Variants in STIM2 observed in about 807,000 individuals in gnomAD.
The protein encoded by STIM2 is stromal interaction molecule 2.
STIM2 carries 31 observed loss-of-function variants against 85.8 expected under a neutral mutation model. The observed-to-expected ratio is 0.36, with a 90% CI of 0.27 to 0.49. The LOEUF (loss-of-function observed/expected upper bound fraction) is 0.49, where lower values mean the gene tolerates loss of function less well. Ranked by LOEUF, STIM2 falls within the 20% of genes least tolerant of loss-of-function variation. The pLI is 0.98. For synonymous variants in STIM2, 356 were observed against 331.1 expected (o/e 1.08, Z -0.82); for missense variants, 841 against 927.6 (o/e 0.91, Z 1.21).
intron 2 of STIM2, among the ~76,000 whole-genome samples, chr4:26,950,084 C>T (rs1461204707): frequency 6.6e-6 from 1 of 152,104 alleles, no homozygotes; most frequent in African/African-American, 2.4e-5. Context: ...ATTACCTGGC[C>T]TTCCATATAA....
intron 1 of STIM2, among the ~76,000 whole-genome samples, chr4:26,886,339 C>T (rs113141073): frequency 5.9e-5 from 9 of 152,050 alleles, no homozygotes; most frequent in Non-Finnish European, 1.0e-4. Flanking sequence ...ATGAAGAAAA[C>T]GATGAGCTTA....
intron 3 of STIM2, among the ~76,000 whole-genome samples, chr4:26,983,693 C>T (rs959565431): frequency 6.6e-6 from 1 of 152,170 alleles, no homozygotes; most frequent in Non-Finnish European, 1.5e-5. Context: ...CAATTTTTAG[C>T]TGGCCTTTGA....
At chr4:26,957,318 T>G (rs1726281965) in intron 2 of STIM2, among the ~76,000 whole-genome samples, 1 of 151,936 alleles carries the variant, frequency 6.6e-6, no homozygotes, top group African/African-American at 2.4e-5. Context: ...AAGGAGGGGG[T>G]GACTGTATAC....
At chr4:26,954,978 A>ATTAGGAATTTTATTTC (rs1726190374) in intron 2 of STIM2, among the ~76,000 whole-genome samples, 1 of 146,840 alleles carries the variant, frequency 6.8e-6, no homozygotes, top group Admixed American at 6.7e-5. Context: ...ACCCAACTTT[A>ATTAGGAATTTTATTTC]TTAGGAATTT....
At chr4:26,980,224 T>G (rs1471293352) in intron 3 of STIM2, among the ~76,000 whole-genome samples, 1 of 152,254 alleles carries the variant, frequency 6.6e-6, no homozygotes, top group African/African-American at 2.4e-5. Context: ...GTAAATTGTT[T>G]AGGCAGGATT....
intron 1 of STIM2, among the ~76,000 whole-genome samples, chr4:26,894,978 A>G (rs1263395880): frequency 6.6e-6 from 1 of 152,238 alleles, no homozygotes; most frequent in African/African-American, 2.4e-5. Flanking sequence ...TTGGAAGGCC[A>G]AGGTGGGTGG....
intron 1 of STIM2, among the ~76,000 whole-genome samples, chr4:26,871,861 A>G (rs1722630325): frequency 1.3e-5 from 2 of 152,080 alleles, no homozygotes; most frequent in South Asian, 2.1e-4. Flanking sequence ...ACTTTTGTAT[A>G]GTGTGATGAA....
intron 1 of STIM2, among the ~76,000 whole-genome samples, chr4:26,899,879 A>T (rs533173263): frequency 8.1e-4 from 124 of 152,292 alleles, no homozygotes; most frequent in Non-Finnish European, 1.3e-3. Flanking sequence ...ATTTTTAAGG[A>T]ATCTTTGAAG....
Position 26,957,727 on chromosome 4 carries a change from G to A in STIM2, c.397+1G>A. ...TGGAAACGATGGAAAACATCAGAAG[G>A]TAAGACTGCCTTTGTGATCTGGCCC... On this transcript the variant is annotated splice_donor_variant, in intron 3 of 11. Transcript: ENST00000467087. LOFTEE classifies it high-confidence loss of function. 1 of 1,581,708 alleles carries A rather than the reference G, an allele frequency of 6.3e-7. No individual in the cohort carries two copies. The highest frequency in any genetic ancestry group is 8.6e-7 in the Non-Finnish European group (1 of 1,160,156).
In STIM2 at chr4:27,003,115, TA is replaced by T. The variant is rs370458587; in HGVS notation, c.981+21del. On this transcript the variant is annotated intron_variant, in intron 7 of 11. Coordinates refer to ENST00000467087, the MANE Select transcript of STIM2 (RefSeq NM_020860.4). ...CAGGAATTGGAACAGGTATTTACAT[TA>T]AAAAAAAAATCACTTGTAAAGATGT... is the stretch of plus-strand genomic sequence containing the variant. 3,366 of 1,338,488 alleles carry T rather than the reference TA, an allele frequency of 2.5e-3. No homozygotes were observed. Among genetic ancestry groups the T allele is most frequent in the Admixed American group, 6.9e-3 (271 of 39,012 alleles). 82.9% of individuals were successfully genotyped at this position (1,338,488 alleles called of 1,614,324 possible).
chr4:27,022,628 A>T lies in STIM2; in HGVS notation c.1873A>T (p.Ile625Leu), dbSNP rs1728950460. ...ATACCAAACATTATCTCCGCGAAAG[A>T]TATCAAGAGATGAGGTGTCCCTAGA... Residue 625 changes from isoleucine to leucine, a missense_variant, in exon 12 of 12, where the codon ATA becomes TTA. Ile to Leu is a conservative substitution (Grantham distance 5). This residue lies in a region of STIM2 where 293 missense variants were observed against 284.5 expected (regional missense o/e 1.03). Coordinates refer to ENST00000467087, the MANE Select transcript of STIM2 (RefSeq NM_020860.4). 6.2e-7 allele frequency: 1 copy of T among 1,614,116 alleles called. No individual in the cohort carries two copies. The highest frequency in any genetic ancestry group is 1.7e-5 in the Admixed American group (1 of 60,006).
At chr4:27,007,796 T>G in intron 8 of STIM2, 96 bp downstream of exon 8, 1 of 1,304,048 alleles carries the variant, frequency 7.7e-7, no homozygotes, top group Non-Finnish European at 1.0e-6. Flanking sequence ...GAATAAAAGT[T>G]TTATTATTAC....
chr4:26,994,454 A>G (rs1021455764), intron 3 of STIM2, among the ~76,000 whole-genome samples: 2 of 152,008 alleles, frequency 1.3e-5, no homozygotes, highest in Non-Finnish European at 2.9e-5. Context: ...ATCTACTACT[A>G]TCATAGTCTA....
chr4:26,880,012 T>C (rs566406666), intron 1 of STIM2, among the ~76,000 whole-genome samples: 1 of 152,334 alleles, frequency 6.6e-6, no homozygotes, highest in Admixed American at 6.5e-5. Context: ...CCTTCTGCAG[T>C]CTAATCTCAG....
intron 2 of STIM2, among the ~76,000 whole-genome samples, chr4:26,943,352 GC>G (rs1440656458): frequency 6.6e-6 from 1 of 152,056 alleles, no homozygotes; most frequent in African/African-American, 2.4e-5. Context: ...GCAATGAGAG[GC>G]AGGCTTGTGT....
chr4:26,975,527 A>G (rs527746098), intron 3 of STIM2, among the ~76,000 whole-genome samples: 7 of 152,306 alleles, frequency 4.6e-5, no homozygotes, highest in African/African-American at 1.2e-4. Context: ...CTGCAGTTCC[A>G]TTCCAGACCC....
At chr4:26,900,474 AAG>A (rs1345635644) in intron 1 of STIM2, among the ~76,000 whole-genome samples, 2 of 152,196 alleles carry the variant, frequency 1.3e-5, no homozygotes, top group Admixed American at 6.5e-5. Context: ...AATCTAGACA[AAG>A]AGAGCCTTGT....
intron 3 of STIM2, among the ~76,000 whole-genome samples, chr4:26,976,309 A>G (rs757858980): frequency 6.6e-6 from 1 of 151,416 alleles, no homozygotes; most frequent in East Asian, 2.0e-4. Context: ...AAATGCAGAA[A>G]TCACCTGTCT....
chr4:26,962,270 A>C (rs1258565488), intron 3 of STIM2, among the ~76,000 whole-genome samples: 1 of 152,206 alleles, frequency 6.6e-6, no homozygotes, highest in Admixed American at 6.5e-5. Flanking sequence ...TTATGGCAAC[A>C]CCTGTTAGGC....
Sources: allele counts gnomAD v4.1 joint callset (sites outside exome capture counted in the v4.1 genomes callset), GRCh38; gene constraint gnomAD v4.1.1; regional missense constraint gnomAD v4.1.1; transcripts MANE v1.5; gene names NCBI Gene and HGNC (gene_info 2026-07-23, HGNC 2026-07-21).